The following COL25A1 variants were observed in gnomAD, a reference collection of about 807,000 sequenced individuals.
COL25A1 encodes the protein collagen type XXV alpha 1 chain.
In COL25A1, 103 loss-of-function variants were observed where a neutral mutation model predicts 128.4. The ratio of observed to expected loss-of-function variants is 0.80; its 90% CI spans 0.68 to 0.94. The LOEUF (loss-of-function observed/expected upper bound fraction) is 0.94. Ranked by LOEUF, COL25A1 falls within the 40% of genes least tolerant of loss-of-function variation. The pLI, the probability that COL25A1 is intolerant of heterozygous loss-of-function variation, is 0.00. For missense variants in COL25A1, 745 were observed against 840.0 expected (o/e 0.89, Z 1.40); for synonymous variants, 279 against 277.2 (o/e 1.01, Z -0.06).
chr4:108,852,391 C>A, intron 25 of COL25A1, 111 bp from the exon 26 acceptor site: 1 of 796,534 alleles, frequency 1.3e-6, no homozygotes, highest in East Asian at 3.2e-5. Context: ...ATCAGATCTC[C>A]CCAAATATAA....
chr4:108,953,116 T>A (rs1749657281), intron 8 of COL25A1, among the ~76,000 whole-genome samples: 1 of 152,028 alleles, frequency 6.6e-6, no homozygotes, highest in Non-Finnish European at 1.5e-5. Flanking sequence ...CTAAATAAGG[T>A]TTAGCCCACA....
intron 8 of COL25A1, among the ~76,000 whole-genome samples, chr4:108,949,440 T>A (rs1749138134): frequency 6.6e-6 from 1 of 152,158 alleles, no homozygotes; most frequent in Admixed American, 6.6e-5. Flanking sequence ...GTGAGGGGTC[T>A]TGCCCACCCA....
chr4:109,298,923 T>A (rs1725247835), intron 3 of COL25A1, among the ~76,000 whole-genome samples: 1 of 152,172 alleles, frequency 6.6e-6, no homozygotes, highest in African/African-American at 2.4e-5. Flanking sequence ...CATGCTAAGA[T>A]GAAAAATGGT....
At chr4:109,220,738 C>G (rs1370247626) in intron 3 of COL25A1, among the ~76,000 whole-genome samples, 1 of 152,044 alleles carries the variant, frequency 6.6e-6, no homozygotes, top group Non-Finnish European at 1.5e-5. Context: ...AAACTAAATT[C>G]AAATTCCTTT....
intron 3 of COL25A1, among the ~76,000 whole-genome samples, chr4:109,241,692 C>T (rs553700921): frequency 6.6e-6 from 1 of 151,658 alleles, no homozygotes; most frequent in South Asian, 2.1e-4. Flanking sequence ...TTCACCTTGG[C>T]ACTCTGTTAG....
Position 109,061,549 on chromosome 4 carries a change from C to T in COL25A1, c.368-11370G>A, listed in dbSNP as rs1559691. Among the ~76,000 whole-genome samples, 81 of 152,310 alleles carry T rather than the reference C, an allele frequency of 5.3e-4. 1 individual carries two copies. The highest frequency in any genetic ancestry group is 1.9e-3 in the African/African-American group (79 of 41,560). ...TGTCATGCATATAAAAAGTGCTCTA[C>T]AAAATGCCAAATTATCTTGCTAAAC... is the stretch of plus-strand genomic sequence containing the variant. On this transcript the variant is annotated intron_variant, in intron 3 of 37. Transcript: ENST00000399132.
At chr4:109,122,728 C>T (rs1768217902) in intron 3 of COL25A1, among the ~76,000 whole-genome samples, 1 of 152,016 alleles carries the variant, frequency 6.6e-6, no homozygotes. Context: ...TTATCAAGGA[C>T]AGAAAGACAC....
At position 108,966,456 on chromosome 4, in the gene COL25A1, G is replaced by A. The variant is rs116235342; in HGVS notation, c.492+7911C>T. On this transcript the variant is annotated intron_variant, in intron 8 of 37. Coordinates refer to ENST00000399132, the MANE Select transcript of COL25A1 (RefSeq NM_198721.4). ...CTTGATAGCAGGATTTGAAATTGGCGTTGAGTCCCAACACTGTCTTTTGGT... is the reference window on the plus strand; with the variant it reads ...CTTGATAGCAGGATTTGAAATTGGCATTGAGTCCCAACACTGTCTTTTGGT... 9.9e-3 allele frequency among the ~76,000 whole-genome samples: 1,514 copies of A among 152,236 alleles called. 24 individuals carry two copies. The highest frequency in any genetic ancestry group is 0.034 in the African/African-American group (1,402 of 41,536).
intron 3 of COL25A1, among the ~76,000 whole-genome samples, chr4:109,107,269 G>A (rs774110694): frequency 3.3e-5 from 5 of 151,894 alleles, no homozygotes; most frequent in Non-Finnish European, 5.9e-5. Flanking sequence ...TATTTTCTAG[G>A]AAAAAATATA....
In COL25A1 at chr4:109,301,831, G is replaced by A; in HGVS notation, c.189C>T (p.Ile63=). 6.2e-7 allele frequency: 1 copy of A among 1,614,238 alleles called. No homozygotes were observed. Among genetic ancestry groups the A allele is most frequent in the Non-Finnish European group, 8.5e-7 (1 of 1,180,040 alleles). Residue 63 remains isoleucine (I), a synonymous_variant, in exon 2 of 38, where the codon ATC becomes ATT. Coordinates refer to ENST00000399132, the MANE Select transcript of COL25A1 (RefSeq NM_198721.4). ...GVKTNDLQAR[I]AALESAKGAP... ...CCCCTTTGGCGGATTCGAGAGCGGC[G>A]ATCCTCGCCTGGAGGTCGTTGGTTT...
At chr4:108,859,618 C>T in intron 24 of COL25A1, 38 bp downstream of exon 24, 1 of 1,580,774 alleles carries the variant, frequency 6.3e-7, no homozygotes, top group Middle Eastern at 1.8e-4. Flanking sequence ...CCTCAGCATC[C>T]TTCTCAGTGT....
chr4:108,856,882 A>G (rs542654743), intron 24 of COL25A1, among the ~76,000 whole-genome samples: 1 of 152,246 alleles, frequency 6.6e-6, no homozygotes, highest in South Asian at 2.1e-4. Context: ...TAAGAATAGT[A>G]TTAGGTTTCG....
intron 3 of COL25A1, among the ~76,000 whole-genome samples, chr4:109,233,465 T>C (rs1779280263): frequency 1.3e-5 from 2 of 151,200 alleles, no homozygotes; most frequent in East Asian, 1.9e-4. Context: ...AGTGAGTATG[T>C]GGATTTTTTT....
intron 3 of COL25A1, among the ~76,000 whole-genome samples, chr4:109,149,333 T>C (rs2526442): frequency 0.63 from 95,885 of 152,020 alleles, 30,737 homozygotes; most frequent in East Asian, 0.75. Context: ...CATTAAATTT[T>C]AGCAATTAAA....
intron 32 of COL25A1, among the ~76,000 whole-genome samples, chr4:108,827,532 GTCTT>G (rs1223386095): frequency 6.6e-6 from 1 of 152,126 alleles, no homozygotes; most frequent in East Asian, 1.9e-4. Flanking sequence ...AGAATAAAGT[GTCTT>G]TCTTTTTTGA....
At chr4:109,206,266 A>G (rs1446152719) in intron 3 of COL25A1, among the ~76,000 whole-genome samples, 2 of 152,174 alleles carry the variant, frequency 1.3e-5, no homozygotes, top group African/African-American at 4.8e-5. Context: ...CTATTCAGAG[A>G]GAAAAACACT....
intron 3 of COL25A1, among the ~76,000 whole-genome samples, chr4:109,253,808 C>T (rs572692899): frequency 1.3e-5 from 2 of 152,246 alleles, no homozygotes; most frequent in African/African-American, 4.8e-5. Context: ...AACATTTAGG[C>T]CGGGCGCAGT....
At chr4:109,252,040 C>A (rs1364532943) in intron 3 of COL25A1, among the ~76,000 whole-genome samples, 1 of 152,242 alleles carries the variant, frequency 6.6e-6, no homozygotes, top group Non-Finnish European at 1.5e-5. Flanking sequence ...TGCCCAACTT[C>A]TTTTGCTATA....
intron 5 of COL25A1, among the ~76,000 whole-genome samples, chr4:109,041,797 G>A (rs976127237): frequency 6.6e-5 from 10 of 152,002 alleles, no homozygotes; most frequent in South Asian, 6.2e-4. Flanking sequence ...CTGTGTAACC[G>A]TGCCCAAGAT....
Sources: gnomAD v4.1 joint callset for allele counts (sites outside exome capture counted in the v4.1 genomes callset) on GRCh38, gnomAD v4.1.1 for gene constraint, MANE v1.5 for transcripts, NCBI Gene and HGNC (gene_info 2026-07-23, HGNC 2026-07-21) for gene names.